YIPF4: variants seen among roughly 807,000 people sequenced by gnomAD.
The protein encoded by YIPF4 is protein YIPF4.
Under a neutral mutation model 29.4 loss-of-function variants are expected in YIPF4, and 18 were observed. The observed-to-expected ratio is 0.61, with a 90% CI of 0.42 to 0.91. The LOEUF (loss-of-function observed/expected upper bound fraction) is 0.91. Among genes scored for constraint, YIPF4 ranks in the 40% least tolerant of loss-of-function variants. YIPF4 has a pLI of 0.00. For missense variants in YIPF4, 279 were observed against 282.7 expected (o/e 0.99, Z 0.09); for synonymous variants, 115 against 104.7 (o/e 1.10, Z -0.60).
intron 1 of YIPF4, among the ~76,000 whole-genome samples, chr2:32,286,843 T>G (rs1222547826): frequency 1.3e-5 from 2 of 152,190 alleles, no homozygotes; most frequent in African/African-American, 4.8e-5. Context: ...AAAAAAACAT[T>G]TTCTTACAGA....
intron 4 of YIPF4, among the ~76,000 whole-genome samples, chr2:32,299,074 C>A (rs1270999121): frequency 1.3e-5 from 2 of 152,028 alleles, no homozygotes; most frequent in African/African-American, 2.4e-5. Flanking sequence ...GATGGAGTTT[C>A]ACCATGTTGG....
intron 2 of YIPF4, among the ~76,000 whole-genome samples, chr2:32,291,878 A>G (rs2030934310): frequency 6.6e-6 from 1 of 152,206 alleles, no homozygotes; most frequent in Non-Finnish European, 1.5e-5. Context: ...AGTTTTCTTA[A>G]ATTGATAGGG....
At position 32,292,361 on chromosome 2, in the gene YIPF4, T is replaced by C; in HGVS notation, c.405+13T>C. On this transcript the variant is annotated intron_variant, in intron 3 of 5. Transcript: ENST00000238831. ...TGGACAGTTTAGGGTAAGTATATCTTATTTTATACAAATTCTAAATATTTT... is the reference window on the plus strand; with the variant it reads ...TGGACAGTTTAGGGTAAGTATATCTCATTTTATACAAATTCTAAATATTTT... 1 of 1,478,428 alleles carries C rather than the reference T, an allele frequency of 6.8e-7. No homozygotes were observed. The highest frequency in any genetic ancestry group is 1.5e-5 in the South Asian group (1 of 68,098). The allele number at this position is 1,478,428 out of a possible 1,614,324, so 91.6% of individuals were successfully genotyped here.
chr2:32,293,057 TA>T (rs1246833075), intron 3 of YIPF4, among the ~76,000 whole-genome samples: 11 of 130,568 alleles, frequency 8.4e-5, no homozygotes, highest in African/African-American at 1.1e-4. Context: ...TTTTTATTTT[TA>T]TTTTTTTATT....
At chr2:32,280,201 C>A (rs2030333797) in intron 1 of YIPF4, among the ~76,000 whole-genome samples, 1 of 151,734 alleles carries the variant, frequency 6.6e-6, no homozygotes, top group Non-Finnish European at 1.5e-5. Flanking sequence ...AGTCTTGGCT[C>A]ACTGCAAGCT....
At chr2:32,295,040 A>T (rs2031119270) in intron 3 of YIPF4, among the ~76,000 whole-genome samples, 1 of 139,456 alleles carries the variant, frequency 7.2e-6, no homozygotes. Context: ...TCGGCTCGGC[A>T]TCAGAGGGAG....
chr2:32,297,584 A>T (rs553608088), intron 3 of YIPF4, among the ~76,000 whole-genome samples: 1 of 152,154 alleles, frequency 6.6e-6, no homozygotes, highest in Admixed American at 6.5e-5. Flanking sequence ...CCTGGGCAAC[A>T]TAGTGAGACC....
Position 32,316,124 on chromosome 2 carries a change from C to A in YIPF4, c.*10498C>A, listed in dbSNP as rs2031828240. ...TGAAGACCTGTCATTTAAAATGATT[C>A]TACAGGAAAAAGATGAACTACAAAT... On this transcript the variant is annotated 3_prime_UTR_variant, in exon 6 of 6. Transcript: ENST00000238831. 6.7e-6 allele frequency: 1 copy of A among 150,164 alleles called. No individual in the cohort carries two copies. The highest frequency in any genetic ancestry group is 1.5e-5 in the Non-Finnish European group (1 of 67,748). 9.3% of individuals were successfully genotyped at this position (150,164 alleles called of 1,614,324 possible).
Position 32,298,292 on chromosome 2 carries a change from C to G in YIPF4, c.464C>G (p.Ala155Gly), listed in dbSNP as rs2031270278. The change falls in exon 4 of 6, where the codon GCC becomes GGC. Residue 155 changes from alanine to glycine, a missense_variant. Ala to Gly is a moderately conservative substitution (Grantham distance 60). Transcript: ENST00000238831. ...IFGSLTIFLLARVLGGEVAYG... is the reference protein window; with the variant it reads ...IFGSLTIFLLGRVLGGEVAYG... ...GGTTCACTAACAATTTTCTTACTGG[C>G]CAGAGTTCTTGGTGGAGAAGTAAGT... The G allele has an allele frequency of 6.2e-7, 1 of 1,606,960 alleles. No individual in the cohort carries two copies. Among genetic ancestry groups the G allele is most frequent in the South Asian group, 1.1e-5 (1 of 90,082 alleles).
At chr2:32,297,128 T>G (rs1445634488) in intron 3 of YIPF4, among the ~76,000 whole-genome samples, 2 of 146,922 alleles carry the variant, frequency 1.4e-5, no homozygotes, top group African/African-American at 5.0e-5. Context: ...CGTTTTTTTG[T>G]TTTTTTTTTT....
chr2:32,299,871 G>A (rs962559025), intron 4 of YIPF4, among the ~76,000 whole-genome samples: 1 of 152,204 alleles, frequency 6.6e-6, no homozygotes, highest in South Asian at 2.1e-4. Flanking sequence ...TGTAGTCCCA[G>A]CTACTTGGGA....
rs1313760687 is a variant in YIPF4 at position 32,315,682 on chromosome 2, G to A, written c.*10056G>A. On this transcript the variant is annotated 3_prime_UTR_variant, in exon 6 of 6. Transcript: ENST00000238831. ...ATGAACCCGGGAGGCGGAGATTGCAGTGAGCCGAGATCGCGCCACTGCACT... is the reference window on the plus strand; with the variant it reads ...ATGAACCCGGGAGGCGGAGATTGCAATGAGCCGAGATCGCGCCACTGCACT... 1 of 152,070 alleles carries A rather than the reference G, an allele frequency of 6.6e-6. No homozygotes were observed. Among genetic ancestry groups the A allele is most frequent in the African/African-American group, 2.4e-5 (1 of 41,366 alleles). The allele number at this position is 152,070 out of a possible 1,614,324, so 9.4% of individuals were successfully genotyped here.
At position 32,307,079 on chromosome 2, in the gene YIPF4, C is replaced by A; in HGVS notation, c.*1453C>A. The stretch of plus-strand genomic sequence containing the variant: ...TGAGCTAGAATAATGTAGAAAATTA[C>A]ATGTACTGATTTTTTTAAAAACAGG... On this transcript the variant is annotated 3_prime_UTR_variant, in exon 6 of 6. Transcript: ENST00000238831. 1.6e-6 allele frequency: 2 copies of A among 1,278,326 alleles called. No homozygotes were observed. Among genetic ancestry groups the A allele is most frequent in the Non-Finnish European group, 2.0e-6 (2 of 978,004 alleles). 79.2% of individuals were successfully genotyped at this position (1,278,326 alleles called of 1,614,324 possible). A position where few individuals can be genotyped will look rare whatever the true frequency, so the allele number is the denominator to read the frequency against.
Position 32,306,542 on chromosome 2 carries a change from A to G in YIPF4, c.*916A>G. On this transcript the variant is annotated 3_prime_UTR_variant, in exon 6 of 6. Coordinates refer to ENST00000238831, the MANE Select transcript of YIPF4 (RefSeq NM_032312.4). ...TGTGGTGTTGAACAATGTTATATGA[A>G]GTAGAAAAAATAAAATACTTCCCAG... 1.0e-6 allele frequency: 1 copy of G among 985,212 alleles called. No individual in the cohort carries two copies. Among genetic ancestry groups the G allele is most frequent in the Non-Finnish European group, 1.2e-6 (1 of 829,738 alleles). 61.0% of individuals were successfully genotyped at this position (985,212 alleles called of 1,614,324 possible).
In YIPF4 at chr2:32,309,467, A is replaced by G. The variant is rs1030008807; in HGVS notation, c.*3841A>G. 11 of 152,368 alleles carry G rather than the reference A, an allele frequency of 7.2e-5. No homozygotes were observed. Among genetic ancestry groups the G allele is most frequent in the African/African-American group, 2.6e-4 (11 of 41,592 alleles). 9.4% of individuals were successfully genotyped at this position (152,368 alleles called of 1,614,324 possible). On this transcript the variant is annotated 3_prime_UTR_variant, in exon 6 of 6. Transcript: ENST00000238831. ...GACTTCTAAATTAGTGAAAATTTGC[A>G]TTGAATTAAAATGTGAAGTAAATAT... is the stretch of plus-strand genomic sequence containing the variant.
At chr2:32,303,159 GT>G (rs2031463126) in intron 5 of YIPF4, among the ~76,000 whole-genome samples, 2 of 152,156 alleles carry the variant, frequency 1.3e-5, no homozygotes, top group African/African-American at 4.8e-5. Flanking sequence ...GAGCTCAGGA[GT>G]TTGAAATCAA....
rs1377322333 is a variant in YIPF4 at position 32,313,291 on chromosome 2, C to T, written c.*7665C>T. On this transcript the variant is annotated 3_prime_UTR_variant, in exon 6 of 6. Coordinates refer to ENST00000238831, the MANE Select transcript of YIPF4 (RefSeq NM_032312.4). Reference sequence around the variant, plus strand: ...AAATTTAAAAATATAAAAAGAAAACCAGTTTGAAGTTTAGTGGTTAATGAA... The same window carrying T: ...AAATTTAAAAATATAAAAAGAAAACTAGTTTGAAGTTTAGTGGTTAATGAA... 6.6e-6 allele frequency: 1 copy of T among 151,968 alleles called. No individual in the cohort carries two copies. The highest frequency in any genetic ancestry group is 1.5e-5 in the Non-Finnish European group (1 of 67,978). The allele number at this position is 151,968 out of a possible 1,614,324, so 9.4% of individuals were successfully genotyped here.
At chr2:32,302,741 A>G (rs890030467) in intron 5 of YIPF4, among the ~76,000 whole-genome samples, 1 of 152,198 alleles carries the variant, frequency 6.6e-6, no homozygotes, top group Non-Finnish European at 1.5e-5. Flanking sequence ...CAGAACTTTT[A>G]AAGACTGTGA....
rs147443636 is a variant in YIPF4 at position 32,305,514 on chromosome 2, A to G, written c.623A>G (p.Tyr208Cys). 8.1e-6 allele frequency: 13 copies of G among 1,606,652 alleles called. No homozygotes were observed. The Admixed American group carries it at 8.4e-5, about 10-fold the overall frequency. Reference sequence around the variant, plus strand: ...CTGTTTGGTGTGTTTTGGGCTGCCTACAGTGCTGCTTCATTGTTAGTGGGT... The same window carrying G: ...CTGTTTGGTGTGTTTTGGGCTGCCTGCAGTGCTGCTTCATTGTTAGTGGGT... ...IKLFGVFWAA[Y>C]SAASLLVGEE... The change falls in exon 6 of 6, where the codon TAC (tyrosine) becomes TGC (cysteine). Residue 208 changes from tyrosine (Y) to cysteine (C), a missense_variant. Transcript: ENST00000238831.
Sources: allele counts gnomAD v4.1 joint callset (sites outside exome capture counted in the v4.1 genomes callset), GRCh38; gene constraint gnomAD v4.1.1; transcripts MANE v1.5; gene names NCBI Gene and HGNC (gene_info 2026-07-23, HGNC 2026-07-21).